Variants in CCDC60 observed in about 807,000 individuals in gnomAD.
CCDC60 encodes the protein coiled-coil domain containing 60, also known as coiled-coil domain-containing protein 60.
Under a neutral mutation model 63.5 loss-of-function variants are expected in CCDC60, and 54 were observed. The ratio of observed to expected loss-of-function variants is 0.85; its 90% CI spans 0.68 to 1.07. The LOEUF (loss-of-function observed/expected upper bound fraction) is 1.07. Among genes scored for constraint, CCDC60 ranks in the 50% least tolerant of loss-of-function variants. CCDC60 has a pLI of 0.00. For missense variants in CCDC60, 651 were observed against 684.3 expected (o/e 0.95, Z 0.54); for synonymous variants, 206 against 238.8 (o/e 0.86, Z 1.27).
At chr12:119,385,945 T>C (rs1238124944) in intron 1 of CCDC60, among the ~76,000 whole-genome samples, 6 of 152,218 alleles carry the variant, frequency 3.9e-5, no homozygotes, top group African/African-American at 1.4e-4. Flanking sequence ...CCTCCTCCAA[T>C]TCCCAGTTTG....
chr12:119,335,038 G>A lies in CCDC60; in HGVS notation c.-139G>A. The A allele has an allele frequency of 1.6e-6, 1 of 640,138 alleles. No individual in the cohort carries two copies. The highest frequency in any genetic ancestry group is 2.7e-6 in the Non-Finnish European group (1 of 368,876). The allele number at this position is 640,138 out of a possible 1,614,324, so 39.7% of individuals were successfully genotyped here. A position where few individuals can be genotyped will look rare whatever the true frequency, so the allele number is the denominator to read the frequency against. ...TCTCATTACTCTTCAGAAGGAAACC[G>A]CTTTGGAGTTCGTGTAATTGGGACT... On this transcript the variant is annotated 5_prime_UTR_variant, in exon 1 of 14. Transcript: ENST00000327554.
chr12:119,360,172 C>A (rs1157745725), intron 1 of CCDC60, among the ~76,000 whole-genome samples: 4 of 150,640 alleles, frequency 2.7e-5, no homozygotes, highest in Non-Finnish European at 4.4e-5. Context: ...GCTGACCCCC[C>A]CCCACCTCCC....
At chr12:119,409,896 C>G (rs975462893) in intron 1 of CCDC60, among the ~76,000 whole-genome samples, 3 of 151,150 alleles carry the variant, frequency 2.0e-5, no homozygotes, top group Non-Finnish European at 4.4e-5. Context: ...TCCCACCTCC[C>G]TCTCTGACAG....
At chr12:119,490,184 C>T (rs902176730) in intron 5 of CCDC60, among the ~76,000 whole-genome samples, 1 of 152,178 alleles carries the variant, frequency 6.6e-6, no homozygotes, top group African/African-American at 2.4e-5. Flanking sequence ...ATCTCTTACA[C>T]CAGGACCCAG....
In CCDC60 at chr12:119,444,813, AGG is replaced by A. The variant is rs917026229; in HGVS notation, c.170+16052_170+16053del. Among the ~76,000 whole-genome samples the A allele has an allele frequency of 3.9e-4, 60 of 152,336 alleles. 1 individual carries two copies. The highest frequency in any genetic ancestry group is 1.4e-3 in the African/African-American group (57 of 41,582). Reference sequence around the variant, plus strand: ...TACCTGGACAAGGGAGGCTACCTTTAGGAGCTATGGGATACCTTATCCCTGCT... The same window carrying A: ...TACCTGGACAAGGGAGGCTACCTTTAAGCTATGGGATACCTTATCCCTGCT... On this transcript the variant is annotated intron_variant, in intron 2 of 13. Transcript: ENST00000327554.
intron 2 of CCDC60, among the ~76,000 whole-genome samples, chr12:119,433,220 C>T (rs1439250120): frequency 6.6e-6 from 1 of 152,154 alleles, no homozygotes; most frequent in Non-Finnish European, 1.5e-5. Flanking sequence ...GACAAAGGTT[C>T]CACTTCCCAC....
intron 2 of CCDC60, among the ~76,000 whole-genome samples, chr12:119,468,843 G>A (rs915466850): frequency 4.6e-5 from 7 of 151,896 alleles, no homozygotes; most frequent in Non-Finnish European, 7.4e-5. Flanking sequence ...GGAGGCTGAG[G>A]CAAGAGGATC....
At chr12:119,524,944 G>C (rs1321773606) in intron 11 of CCDC60, among the ~76,000 whole-genome samples, 1 of 151,848 alleles carries the variant, frequency 6.6e-6, no homozygotes, top group African/African-American at 2.4e-5. Context: ...GGGTTTGCAA[G>C]CATGAGCCAC....
chr12:119,413,407 G>C (rs571344980), intron 1 of CCDC60, among the ~76,000 whole-genome samples: 1 of 152,144 alleles, frequency 6.6e-6, no homozygotes, highest in Non-Finnish European at 1.5e-5. Context: ...GCTGACCATC[G>C]GGTCACTGAC....
chr12:119,519,040 A>G (rs1952425900), intron 8 of CCDC60, among the ~76,000 whole-genome samples: 1 of 152,256 alleles, frequency 6.6e-6, no homozygotes, highest in South Asian at 2.1e-4. Flanking sequence ...GGCAGCAGAC[A>G]TTAAAGCTTC....
In CCDC60 at chr12:119,520,108, T is replaced by C. The variant is rs756555141; in HGVS notation, c.969-13T>C. On this transcript the variant is annotated splice_polypyrimidine_tract_variant and intron_variant, in intron 8 of 13. Coordinates refer to ENST00000327554, the MANE Select transcript of CCDC60 (RefSeq NM_178499.5). ...ATTCAGCGCCTTGTTAAAGGACTCA[T>C]TTTGCCTTGCAGCATCTTGTCAGTG... 6.8e-6 allele frequency: 11 copies of C among 1,612,394 alleles called. No individual in the cohort carries two copies. The highest frequency in any genetic ancestry group is 5.3e-5 in the African/African-American group (4 of 74,868).
At chr12:119,335,988 G>A (rs1012264275) in intron 1 of CCDC60, among the ~76,000 whole-genome samples, 9 of 150,034 alleles carry the variant, frequency 6.0e-5, no homozygotes, top group East Asian at 3.9e-4. Flanking sequence ...GTAAACTATC[G>A]CAAGAACAAA....
intron 1 of CCDC60, among the ~76,000 whole-genome samples, chr12:119,352,203 G>A (rs1423765979): frequency 6.6e-6 from 1 of 152,176 alleles, no homozygotes; most frequent in East Asian, 1.9e-4. Flanking sequence ...ACTATTGTGA[G>A]AACAGCAAGG....
intron 2 of CCDC60, among the ~76,000 whole-genome samples, chr12:119,439,235 A>G (rs934116730): frequency 8.0e-5 from 12 of 149,254 alleles, no homozygotes; most frequent in African/African-American, 2.4e-4. Context: ...CCTTAGGTGA[A>G]TTTATTCTGT....
At chr12:119,449,827 G>A (rs180889543) in intron 2 of CCDC60, among the ~76,000 whole-genome samples, 182 of 152,244 alleles carry the variant, frequency 1.2e-3, no homozygotes, top group African/African-American at 3.6e-3. Flanking sequence ...TTCTGGTGGC[G>A]GGGGCGGGCA....
intron 1 of CCDC60, among the ~76,000 whole-genome samples, chr12:119,422,677 G>A (rs1956834959): frequency 6.6e-6 from 1 of 152,188 alleles, no homozygotes; most frequent in Admixed American, 6.5e-5. Context: ...CCTCCCACAA[G>A]GACCCACCTC....
At chr12:119,482,118 AT>A (rs1404966608) in intron 4 of CCDC60, among the ~76,000 whole-genome samples, 1 of 146,224 alleles carries the variant, frequency 6.8e-6, no homozygotes, top group Admixed American at 6.9e-5. Context: ...ACACACATAT[AT>A]ATACATATAT....
At chr12:119,476,371 G>A (rs1951178494) in intron 3 of CCDC60, among the ~76,000 whole-genome samples, 1 of 152,150 alleles carries the variant, frequency 6.6e-6, no homozygotes, top group Non-Finnish European at 1.5e-5. Context: ...CTGGAAGCAT[G>A]GTTGAGCCAG....
chr12:119,340,202 A>G (rs1216309010), intron 1 of CCDC60, among the ~76,000 whole-genome samples: 4 of 152,222 alleles, frequency 2.6e-5, no homozygotes, highest in Admixed American at 1.3e-4. Context: ...CTTAGGATAG[A>G]TGAAATACAT....
Sources: gnomAD v4.1 joint callset for allele counts (sites outside exome capture counted in the v4.1 genomes callset) on GRCh38, gnomAD v4.1.1 for gene constraint, MANE v1.5 for transcripts, NCBI Gene and HGNC (gene_info 2026-07-23, HGNC 2026-07-21) for gene names.